The following TBC1D5 variants were observed in gnomAD, a reference collection of about 807,000 sequenced individuals.
The protein encoded by TBC1D5 is TBC1 domain family, member 5.
Under a neutral mutation model 100.3 loss-of-function variants are expected in TBC1D5, and 75 were observed. The ratio of observed to expected loss-of-function variants is 0.75; its 90% CI spans 0.62 to 0.91. TBC1D5 has a LOEUF of 0.91. TBC1D5 is among the 40% of genes least tolerant of loss of function. The pLI, the probability that TBC1D5 is intolerant of heterozygous loss-of-function variation, is 0.00. For missense variants in TBC1D5, 910 were observed against 942.4 expected, an observed-to-expected ratio of 0.97 and a Z score of 0.45; for synonymous variants, 323 against 325.6, an observed-to-expected ratio of 0.99 and a Z score of 0.09.
chr3:17,457,084 T>C (rs926592678), intron 3 of TBC1D5, among the ~76,000 whole-genome samples: 6 of 152,136 alleles, frequency 3.9e-5, no homozygotes, highest in Non-Finnish European at 8.8e-5. Flanking sequence ...GAACAATATA[T>C]AGTATTTTTT....
chr3:17,465,075 A>G (rs1239114906), intron 3 of TBC1D5: 1 of 152,220 alleles, frequency 6.6e-6, no homozygotes, highest in Non-Finnish European at 1.5e-5. Context: ...ACCAGTTGAC[A>G]GAAAAAAACC....
intron 3 of TBC1D5, among the ~76,000 whole-genome samples, chr3:17,507,211 A>G (rs897818479): frequency 3.3e-5 from 5 of 152,200 alleles, no homozygotes; most frequent in Non-Finnish European, 7.4e-5. Flanking sequence ...TCTTATGAGT[A>G]TTACATTTAA....
intron 18 of TBC1D5, among the ~76,000 whole-genome samples, chr3:17,193,431 T>C (rs1225820465): frequency 1.3e-5 from 2 of 152,244 alleles, no homozygotes; most frequent in Non-Finnish European, 2.9e-5. Flanking sequence ...CAAATCTCTT[T>C]TTGAAGTCAG....
chr3:17,433,006 C>T (rs899440242), intron 3 of TBC1D5, among the ~76,000 whole-genome samples: 4 of 146,436 alleles, frequency 2.7e-5, no homozygotes, highest in Admixed American at 6.7e-5. Context: ...TTAAAAATTT[C>T]GTGGTGTTTA....
Position 17,263,408 on chromosome 3 carries a change from A to C in TBC1D5, c.1246-4817T>G, listed in dbSNP as rs1357470515. Among the ~76,000 whole-genome samples the C allele has an allele frequency of 4.6e-5, 7 of 151,696 alleles. 1 individual carries two copies. In the East Asian group the frequency reaches 1.2e-3, roughly 25 times the overall value. On this transcript the variant is annotated intron_variant, in intron 15 of 21. Coordinates refer to ENST00000253692, the Ensembl canonical transcript of TBC1D5. ...AAAAGAGAAAGAAAAAAAAGAAATG[A>C]AGAAAGAAAAAAGAAAAGTACAGAA...
intron 19 of TBC1D5, among the ~76,000 whole-genome samples, chr3:17,183,425 G>A (rs1407680412): frequency 2.0e-5 from 3 of 152,192 alleles, no homozygotes; most frequent in South Asian, 2.1e-4. Context: ...GTAAGCGACC[G>A]AACTGGCGAC....
At chr3:17,532,524 G>T (rs1243379402) in intron 2 of TBC1D5, among the ~76,000 whole-genome samples, 1 of 152,130 alleles carries the variant, frequency 6.6e-6, no homozygotes, top group East Asian at 1.9e-4. Flanking sequence ...CTGCTATAAA[G>T]ACACATGCAC....
intron 17 of TBC1D5, among the ~76,000 whole-genome samples, chr3:17,236,723 A>C (rs548618067): frequency 3.9e-5 from 6 of 152,098 alleles, no homozygotes; most frequent in Admixed American, 1.3e-4. Flanking sequence ...TGACCTCGTG[A>C]TCTACCTCGG....
chr3:17,311,751 C>A (rs1252473079), intron 13 of TBC1D5, among the ~76,000 whole-genome samples: 1 of 151,978 alleles, frequency 6.6e-6, no homozygotes, highest in Non-Finnish European at 1.5e-5. Context: ...AGTAACCTTA[C>A]AAGAACAAGT....
At chr3:17,196,735 G>A (rs757420426) in intron 18 of TBC1D5, among the ~76,000 whole-genome samples, 7 of 152,204 alleles carry the variant, frequency 4.6e-5, no homozygotes, top group Non-Finnish European at 1.0e-4. Context: ...TTTGTTACTT[G>A]AGAACAAGAA....
intron 16 of TBC1D5, among the ~76,000 whole-genome samples, chr3:17,242,183 G>T (rs1179335270): frequency 6.6e-6 from 1 of 152,080 alleles, no homozygotes; most frequent in African/African-American, 2.4e-5. Flanking sequence ...TCCAGTCATG[G>T]CCTGTTCTTA....
intron 13 of TBC1D5, among the ~76,000 whole-genome samples, chr3:17,360,030 T>C (rs2091562050): frequency 6.6e-6 from 1 of 151,976 alleles, no homozygotes; most frequent in Non-Finnish European, 1.5e-5. Flanking sequence ...ATAGTTTTGA[T>C]TGGAGGGTAG....
At chr3:17,508,505 G>C (rs2095867535) in exon 3 of TBC1D5, 1 of 1,613,724 alleles carries the variant, frequency 6.2e-7, no homozygotes, top group African/African-American at 1.3e-5. Context: ...TGGACAAGGG[G>C]TCAATGCCTA....
intron 2 of TBC1D5, among the ~76,000 whole-genome samples, chr3:17,526,147 G>A (rs1239708973): frequency 6.6e-6 from 1 of 152,080 alleles, no homozygotes; most frequent in Non-Finnish European, 1.5e-5. Context: ...GAATATACCA[G>A]CAACCATTAA....
chr3:17,262,478 GTTTT>G (rs746293280), intron 15 of TBC1D5, among the ~76,000 whole-genome samples: 7 of 114,954 alleles, frequency 6.1e-5, no homozygotes, highest in Non-Finnish European at 5.3e-5. Flanking sequence ...CCAAAACAAT[GTTTT>G]TTTTTTTTTT....
At chr3:17,539,226 G>GTGTC (rs2096321731) in intron 2 of TBC1D5, among the ~76,000 whole-genome samples, 1 of 152,172 alleles carries the variant, frequency 6.6e-6, no homozygotes, top group Non-Finnish European at 1.5e-5. Context: ...ATGTAAGGGA[G>GTGTC]TGTCTGGGTT....
rs2092368112 is a variant in TBC1D5 at position 17,369,789 on chromosome 3, C to T, written c.995+2286G>A. The stretch of plus-strand genomic sequence containing the variant: ...TCATGTGCTCCATAAATAGTAATAA[C>T]AAAACCAAATTAATATGTGAAATAG... On this transcript the variant is annotated intron_variant, in intron 13 of 21. Coordinates refer to ENST00000253692, the Ensembl canonical transcript of TBC1D5. Among the ~76,000 whole-genome samples, 6 of 152,130 alleles carry T rather than the reference C, an allele frequency of 3.9e-5. No individual in the cohort carries two copies. In the South Asian group the frequency reaches 1.2e-3, roughly 32 times the overall value.
At chr3:17,633,555 A>G (rs1239773006) in intron 1 of TBC1D5, among the ~76,000 whole-genome samples, 1 of 152,144 alleles carries the variant, frequency 6.6e-6, no homozygotes, top group Non-Finnish European at 1.5e-5. Flanking sequence ...AAAAATAATA[A>G]TGCTGTTAAT....
chr3:17,384,110 G>T, intron 8 of TBC1D5, 95 bp from the exon 9 acceptor site: 1 of 1,087,694 alleles, frequency 9.2e-7, no homozygotes, highest in Non-Finnish European at 1.3e-6. Context: ...GGCTGCTTCA[G>T]GTTTTAGAAC....
Sources: gnomAD v4.1 joint callset for allele counts (sites outside exome capture counted in the v4.1 genomes callset) on GRCh38, gnomAD v4.1.1 for gene constraint, MANE v1.5 for transcripts, NCBI Gene and HGNC (gene_info 2026-07-23, HGNC 2026-07-21) for gene names.